The following MYO9A variants were observed in gnomAD, a reference collection of about 807,000 sequenced individuals.
MYO9A encodes unconventional myosin-IXa.
A neutral mutation model predicts 293.3 loss-of-function variants in MYO9A; 103 were observed. The ratio of observed to expected loss-of-function variants is 0.35; its 90% CI spans 0.30 to 0.41. The LOEUF is 0.41. Among genes scored for constraint, MYO9A ranks in the 10% least tolerant of loss-of-function variants. MYO9A has a pLI of 1.00. For synonymous variants in MYO9A, 1,001 were observed against 1,035.7 expected (o/e 0.97, Z 0.64); for missense variants, 2,685 against 3,033.0 (o/e 0.89, Z 2.69).
intron 1 of MYO9A, among the ~76,000 whole-genome samples, chr15:72,110,450 A>G (rs1243529429): frequency 1.3e-5 from 2 of 151,112 alleles, no homozygotes; most frequent in African/African-American, 2.4e-5. Flanking sequence ...AAAAAAAAAA[A>G]AAAAAAAAGA....
At chr15:71,921,178 A>C (rs547792554) in intron 18 of MYO9A, among the ~76,000 whole-genome samples, 1 of 152,346 alleles carries the variant, frequency 6.6e-6, no homozygotes, top group Middle Eastern at 3.4e-3. Context: ...AAATTCTAAC[A>C]AGAAAAATGG....
chr15:71,963,999 G>A (rs2075809371), intron 13 of MYO9A, among the ~76,000 whole-genome samples: 1 of 152,082 alleles, frequency 6.6e-6, no homozygotes, highest in African/African-American at 2.4e-5. Context: ...ATTTATTCTG[G>A]TGTTAGTTTT....
intron 1 of MYO9A, among the ~76,000 whole-genome samples, chr15:72,084,064 A>G (rs1407072695): frequency 6.6e-6 from 1 of 152,156 alleles, no homozygotes; most frequent in Admixed American, 6.5e-5. Context: ...TTCTGCCTTG[A>G]TGATCTTTCT....
chr15:72,074,423 AAAC>A lies in MYO9A; in HGVS notation c.-71-27792_-71-27790del, dbSNP rs904398554. 1.5e-3 allele frequency among the ~76,000 whole-genome samples: 225 copies of A among 152,320 alleles called. 1 individual carries two copies. The highest frequency in any genetic ancestry group is 5.1e-3 in the African/African-American group (211 of 41,580). ...CTGAGAATACAAAGAAGTCTGAAAA[AAAC>A]AACAACAACAACAAAAAACAATTCC... is the stretch of plus-strand genomic sequence containing the variant. On this transcript the variant is annotated intron_variant, in intron 1 of 41. Coordinates refer to ENST00000356056, the MANE Select transcript of MYO9A (RefSeq NM_006901.4).
intron 11 of MYO9A, among the ~76,000 whole-genome samples, chr15:71,989,181 CT>C (rs1488726553): frequency 2.0e-5 from 3 of 152,008 alleles, no homozygotes; most frequent in African/African-American, 7.3e-5. Flanking sequence ...TGAGCCACCA[CT>C]CCCAGCCAAA....
In MYO9A at chr15:72,020,932, G is replaced by A. The variant is rs2077484686; in HGVS notation, c.1084C>T (p.His362Tyr). ...TGAACTCTCACCTGATTGAGATAAT[G>A]ATATTCCTCTGGTTGCTTAAGATGG... Reference protein sequence around the residue: ...AFHLKQPEEYHYLNQITKKPL... With the variant: ...AFHLKQPEEYYYLNQITKKPL... The change falls in exon 5 of 42, where the codon CAT becomes TAT. Residue 362 changes from histidine to tyrosine, a missense_variant. This residue lies in a region of MYO9A where 289 missense variants were observed against 456.8 expected (regional missense o/e 0.63). Coordinates refer to ENST00000356056, the MANE Select transcript of MYO9A (RefSeq NM_006901.4). The A allele has an allele frequency of 6.5e-7, 1 of 1,533,010 alleles. No individual in the cohort carries two copies. The highest frequency in any genetic ancestry group is 8.7e-7 in the Non-Finnish European group (1 of 1,146,458). The allele number at this position is 1,533,010 out of a possible 1,614,324, so 95.0% of individuals were successfully genotyped here.
chr15:71,848,936 T>C lies in MYO9A; in HGVS notation c.6746A>G (p.Asn2249Ser). ...CVELIVVEQM[N>S]KYKARLKDIS... ...ATCTTTGAGACGAGCCTTGTATTTA[T>C]TCATTTGTTCCACAACAATCAGTTC... The change falls in exon 39 of 42, where the codon AAT becomes AGT. Residue 2249 changes from asparagine (N) to serine (S), a missense_variant. Transcript: ENST00000356056. 1 of 1,609,152 alleles carries C rather than the reference T, an allele frequency of 6.2e-7. No individual in the cohort carries two copies. Among genetic ancestry groups the C allele is most frequent in the Non-Finnish European group, 8.5e-7 (1 of 1,178,796 alleles).
chr15:71,900,578 C>T (rs2057455909), intron 23 of MYO9A, among the ~76,000 whole-genome samples: 1 of 152,148 alleles, frequency 6.6e-6, no homozygotes, highest in South Asian at 2.1e-4. Context: ...AAGTTAATTA[C>T]AGAACCTAAT....
intron 35 of MYO9A, among the ~76,000 whole-genome samples, chr15:71,853,510 G>A (rs1029791826): frequency 2.0e-5 from 3 of 152,118 alleles, no homozygotes; most frequent in Admixed American, 2.0e-4. Flanking sequence ...TCTTGTAGAC[G>A]GAACCTCCTG....
At chr15:71,905,086 C>A in intron 19 of MYO9A, 80 bp from the exon 20 acceptor site, 1 of 1,244,122 alleles carries the variant, frequency 8.0e-7, no homozygotes, top group Non-Finnish European at 1.1e-6. Context: ...AATCAACATG[C>A]TGGCAAAACA....
At chr15:72,043,857 A>G (rs1310884334) in intron 2 of MYO9A, among the ~76,000 whole-genome samples, 1 of 152,132 alleles carries the variant, frequency 6.6e-6, no homozygotes, top group African/African-American at 2.4e-5. Context: ...TATACCTACA[A>G]AATATCTTTT....
At chr15:71,831,522 T>C (rs2054727132) in intron 39 of MYO9A, among the ~76,000 whole-genome samples, 1 of 152,222 alleles carries the variant, frequency 6.6e-6, no homozygotes, top group Non-Finnish European at 1.5e-5. Context: ...CCAAGGTTTG[T>C]TTCTTAGACA....
intron 26 of MYO9A, 115 bp from the exon 27 acceptor site, chr15:71,888,231 T>C (rs941522025): frequency 1.9e-6 from 1 of 537,000 alleles, no homozygotes; most frequent in Non-Finnish European, 3.2e-6. Flanking sequence ...AAAACATTGA[T>C]ATTATTCAGA....
At chr15:72,105,502 C>CTTTTTTTTTT (rs35861022) in intron 1 of MYO9A, among the ~76,000 whole-genome samples, 2 of 89,272 alleles carry the variant, frequency 2.2e-5, no homozygotes, top group Admixed American at 1.3e-4. Flanking sequence ...GCTGGGAAAG[C>CTTTTTTTTTT]TTTTTTTTTT....
intron 32 of MYO9A, among the ~76,000 whole-genome samples, chr15:71,872,261 TC>T (rs2056537859): frequency 6.6e-6 from 1 of 152,096 alleles, no homozygotes; most frequent in South Asian, 2.1e-4. Flanking sequence ...AAAAAATACT[TC>T]AACTCATGGT....
rs1287324628 is a variant in MYO9A at position 71,880,535 on chromosome 15, G to A, written c.5422C>T (p.Pro1808Ser). Residue 1808 changes from proline (P) to serine (S), a missense_variant, in exon 29 of 42, where the codon CCT (proline) becomes TCT (serine). By Grantham distance (74) the Pro-to-Ser change is moderately conservative. Coordinates refer to ENST00000356056, the MANE Select transcript of MYO9A (RefSeq NM_006901.4). ...CCGGGCAGTTCTGGGCTCAAAGGAG[G>A]TGTTGGGTGATATGCAGCTAATTCT... ...PDELAAYHPT[P>S]PLSPELPGSC... 1 of 1,614,066 alleles carries A rather than the reference G, an allele frequency of 6.2e-7. No individual in the cohort carries two copies. The highest frequency in any genetic ancestry group is 8.5e-7 in the Non-Finnish European group (1 of 1,179,944).
In MYO9A at chr15:72,007,885, C is replaced by G; in HGVS notation, c.1321G>C (p.Asp441His). ...GGATTACAGATATCAATGGAGTCAT[C>G]CCGGTATGTCTTCTTTTTGTAACAG... ...NICYKKKTYR[D>H]DSIDICNPEV... Residue 441 changes from aspartate to histidine, a missense_variant, in exon 8 of 42, where the codon GAT (aspartate) becomes CAT (histidine). Coordinates refer to ENST00000356056, the MANE Select transcript of MYO9A (RefSeq NM_006901.4). The G allele has an allele frequency of 6.2e-7, 1 of 1,613,162 alleles. No homozygotes were observed. The highest frequency in any genetic ancestry group is 1.1e-5 in the South Asian group (1 of 91,012).
chr15:71,999,224 A>G (rs1050455235), intron 9 of MYO9A: 1 of 151,952 alleles, frequency 6.6e-6, no homozygotes, highest in Non-Finnish European at 1.5e-5. Flanking sequence ...TCACTTTCAT[A>G]AAACTACTCC....
intron 39 of MYO9A, among the ~76,000 whole-genome samples, chr15:71,845,299 T>C (rs1291216500): frequency 6.8e-6 from 1 of 147,718 alleles, no homozygotes; most frequent in Non-Finnish European, 1.5e-5. Flanking sequence ...GTAAGCACTT[T>C]AAATACAGCT....
Sources: gnomAD v4.1 joint callset for allele counts (sites outside exome capture counted in the v4.1 genomes callset) on GRCh38, gnomAD v4.1.1 for gene constraint, gnomAD v4.1.1 regional missense constraint, MANE v1.5 for transcripts, NCBI Gene and HGNC (gene_info 2026-07-23, HGNC 2026-07-21) for gene names.